ERI1: variants seen among roughly 807,000 people sequenced by gnomAD.
The protein encoded by ERI1 is 3'-5' exoribonuclease 1.
In ERI1, 39 loss-of-function variants were observed where a neutral mutation model predicts 39.7. The observed-to-expected ratio is 0.98, with a 90% CI of 0.76 to 1.28. The LOEUF (loss-of-function observed/expected upper bound fraction) is 1.28, where lower values mean the gene tolerates loss of function less well. ERI1 is among the 50% of genes most tolerant of loss of function. The probability of loss-of-function intolerance (pLI) is 0.00; values close to 1 mark genes in which losing one functional copy is unlikely to be tolerated. For synonymous variants in ERI1, 204 were observed against 149.6 expected (o/e 1.36, Z -2.65); for missense variants, 581 against 416.9 (o/e 1.39, Z -3.43).
chr8:9,019,186 C>A (rs1024634075), intron 5 of ERI1, among the ~76,000 whole-genome samples: 15 of 152,242 alleles, frequency 9.9e-5, no homozygotes, highest in African/African-American at 3.4e-4. Flanking sequence ...ACATAGATGA[C>A]AGACGTTGTG....
Position 9,014,146 on chromosome 8 carries a change from C to G in ERI1, c.499-2176C>G, listed in dbSNP as rs551021016. The stretch of plus-strand genomic sequence containing the variant: ...ATTGTTTCCTCTGATTGTTTCCTGT[C>G]TTACTACTCTTTTCCTTAACTCATT... On this transcript the variant is annotated intron_variant, in intron 3 of 6. Coordinates refer to ENST00000250263, the MANE Select transcript of ERI1 (RefSeq NM_153332.4). 7.9e-5 allele frequency among the ~76,000 whole-genome samples: 12 copies of G among 152,288 alleles called. No homozygotes were observed. In the South Asian group the frequency reaches 1.0e-3, roughly 13 times the overall value.
intron 3 of ERI1, among the ~76,000 whole-genome samples, chr8:9,073,365 A>C (rs1799114868): frequency 6.6e-6 from 1 of 152,222 alleles, no homozygotes; most frequent in African/African-American, 2.4e-5. Context: ...ATCTCAACTT[A>C]TGATCCCCAA....
At chr8:9,043,447 G>GTCT (rs1471963311) in intron 3 of ERI1, among the ~76,000 whole-genome samples, 2 of 152,168 alleles carry the variant, frequency 1.3e-5, no homozygotes, top group African/African-American at 4.8e-5. Context: ...CTAAATCAAA[G>GTCT]AGCTCAGAGG....
intron 3 of ERI1, among the ~76,000 whole-genome samples, chr8:9,046,659 C>T (rs1015385708): frequency 2.6e-5 from 4 of 152,226 alleles, no homozygotes; most frequent in African/African-American, 9.6e-5. Flanking sequence ...GAAATGAGCT[C>T]TTGCTCAGGA....
At chr8:9,005,416 C>T (rs1380238460) in intron 1 of ERI1, among the ~76,000 whole-genome samples, 1 of 152,040 alleles carries the variant, frequency 6.6e-6, no homozygotes, top group African/African-American at 2.4e-5. Context: ...AGCTCCGGTA[C>T]CCTTCCCAAT....
In ERI1 at chr8:9,030,072, C is replaced by G; in HGVS notation, c.*38C>G. On this transcript the variant is annotated 3_prime_UTR_variant, in exon 7 of 7. Transcript: ENST00000250263. The stretch of plus-strand genomic sequence containing the variant: ...GTGTGGATCATTCCAATTGAAGTTG[C>G]TATGAAGAGGTAGCAGATGAATCTC... 3 of 1,605,248 alleles carry G rather than the reference C, an allele frequency of 1.9e-6. No homozygotes were observed. In the South Asian group the frequency reaches 3.3e-5, roughly 18 times the overall value.
intron 3 of ERI1, among the ~76,000 whole-genome samples, chr8:9,065,966 G>A (rs1798861782): frequency 6.6e-6 from 1 of 152,130 alleles, no homozygotes; most frequent in South Asian, 2.1e-4. Flanking sequence ...TTTATGAGAA[G>A]GGAAGTGGAG....
intron 1 of ERI1, among the ~76,000 whole-genome samples, chr8:9,006,098 A>G (rs1182231756): frequency 2.0e-5 from 3 of 152,196 alleles, no homozygotes; most frequent in African/African-American, 7.2e-5. Flanking sequence ...TATTTCGTAA[A>G]CTAATTTTGT....
chr8:9,093,518 A>G (rs1348395390), intron 3 of ERI1, among the ~76,000 whole-genome samples: 1 of 150,794 alleles, frequency 6.6e-6, no homozygotes, highest in Non-Finnish European at 1.5e-5. Flanking sequence ...AAAAAAAAAA[A>G]AAAAGAAGAA....
At position 9,011,658 on chromosome 8, in the gene ERI1, T is replaced by G. The variant is rs761455714; in HGVS notation, c.404T>G (p.Phe135Cys). ...TATGACTACATTTGTATTATTGACTTTGAAGCCACTTGTGAAGAAGGAAAC... is the reference window on the plus strand; with the variant it reads ...TATGACTACATTTGTATTATTGACTGTGAAGCCACTTGTGAAGAAGGAAAC... ...SYYDYICIID[F>C]EATCEEGNPP... Residue 135 changes from phenylalanine to cysteine, a missense_variant, in exon 3 of 7, where the codon TTT (phenylalanine) becomes TGT (cysteine). By Grantham distance (205) the Phe-to-Cys change is radical (BLOSUM62 -2). Transcript: ENST00000250263. 2 of 1,613,520 alleles carry G rather than the reference T, an allele frequency of 1.2e-6. No individual in the cohort carries two copies. Among genetic ancestry groups the G allele is most frequent in the Non-Finnish European group, 1.7e-6 (2 of 1,179,670 alleles).
chr8:9,006,310 G>C (rs1816016056), intron 1 of ERI1, among the ~76,000 whole-genome samples: 1 of 152,188 alleles, frequency 6.6e-6, no homozygotes, highest in Non-Finnish European at 1.5e-5. Flanking sequence ...AGGAAAGGAA[G>C]CAAATTTTTC....
At chr8:9,055,166 G>A (rs972160874) in intron 3 of ERI1, among the ~76,000 whole-genome samples, 1 of 152,290 alleles carries the variant, frequency 6.6e-6, no homozygotes, top group South Asian at 2.1e-4. Flanking sequence ...ACAGAAAACG[G>A]AAGTGAGGCA....
chr8:9,091,017 T>C (rs979653576), intron 3 of ERI1, among the ~76,000 whole-genome samples: 2 of 152,252 alleles, frequency 1.3e-5, no homozygotes, highest in African/African-American at 2.4e-5. Context: ...GGGACACCAA[T>C]GATCTTCTGA....
At chr8:9,050,284 G>C (rs1256947728) in intron 3 of ERI1, among the ~76,000 whole-genome samples, 2 of 152,126 alleles carry the variant, frequency 1.3e-5, no homozygotes, top group South Asian at 2.1e-4. Flanking sequence ...GGGGCTGGTG[G>C]ATCACTTGAG....
At position 9,031,124 on chromosome 8, in the gene ERI1, C is replaced by G. The variant is rs369441361; in HGVS notation, c.*1090C>G. The G allele has an allele frequency of 6.6e-6, 1 of 152,158 alleles. No homozygotes were observed. The highest frequency in any genetic ancestry group is 1.9e-4 in the East Asian group (1 of 5,194). 9.4% of individuals were successfully genotyped at this position (152,158 alleles called of 1,614,324 possible). A position where few individuals can be genotyped will look rare whatever the true frequency, so the allele number is the denominator to read the frequency against. ...CAGAATTGAATTTTTCTCCTTGTAGCTTTCAGGGAACAATTTCATTGACAT... is the reference window on the plus strand; with the variant it reads ...CAGAATTGAATTTTTCTCCTTGTAGGTTTCAGGGAACAATTTCATTGACAT... On this transcript the variant is annotated 3_prime_UTR_variant, in exon 7 of 7. Transcript: ENST00000250263.
chr8:9,074,027 C>T (rs904804633), intron 3 of ERI1, among the ~76,000 whole-genome samples: 1 of 152,288 alleles, frequency 6.6e-6, no homozygotes, highest in African/African-American at 2.4e-5. Context: ...CTCAAGCAAT[C>T]TTCCTGCCTT....
chr8:9,027,434 G>T (rs1310286181), intron 6 of ERI1, among the ~76,000 whole-genome samples: 1 of 151,868 alleles, frequency 6.6e-6, no homozygotes, highest in Admixed American at 6.5e-5. Context: ...CTGTTCCATG[G>T]GTTGCCATTT....
intron 3 of ERI1, among the ~76,000 whole-genome samples, chr8:9,046,427 C>T (rs1639595471): frequency 6.6e-6 from 1 of 152,228 alleles, no homozygotes; most frequent in African/African-American, 2.4e-5. Flanking sequence ...GGCCACACTG[C>T]ACACGGCCAC....
intron 3 of ERI1, among the ~76,000 whole-genome samples, chr8:9,041,612 G>A (rs1399374299): frequency 6.6e-6 from 1 of 152,194 alleles, no homozygotes; most frequent in Non-Finnish European, 1.5e-5. Flanking sequence ...AATTAAGAAT[G>A]AGATTTAAAA....
Sources: gnomAD v4.1 joint callset for allele counts (sites outside exome capture counted in the v4.1 genomes callset) on GRCh38, gnomAD v4.1.1 for gene constraint, MANE v1.5 for transcripts, NCBI Gene and HGNC (gene_info 2026-07-23, HGNC 2026-07-21) for gene names.